MYO6: variants seen among roughly 807,000 people sequenced by gnomAD.
MYO6 encodes the protein myosin VI, also known as unconventional myosin-VI.
A neutral mutation model predicts 178.7 loss-of-function variants in MYO6; 74 were observed. The observed-to-expected ratio is 0.41, with a 90% CI of 0.34 to 0.50. The LOEUF is 0.50. Among genes scored for constraint, MYO6 ranks in the 20% least tolerant of loss-of-function variants. The probability of loss-of-function intolerance (pLI) is 0.09; values close to 1 mark genes in which losing one functional copy is unlikely to be tolerated. For synonymous variants in MYO6, 477 were observed against 504.6 expected (o/e 0.95, Z 0.73); for missense variants, 1,330 against 1,547.4 (o/e 0.86, Z 2.36).
intron 1 of MYO6, among the ~76,000 whole-genome samples, chr6:75,762,681 A>G (rs1778056016): frequency 1.3e-5 from 2 of 152,190 alleles, no homozygotes; most frequent in Admixed American, 6.6e-5. Flanking sequence ...TGCTCTGCAC[A>G]GGGCTCCAGC....
At chr6:75,850,200 G>C (rs1163077812) in intron 11 of MYO6, among the ~76,000 whole-genome samples, 6 of 152,000 alleles carry the variant, frequency 3.9e-5, no homozygotes, top group Admixed American at 3.3e-4. Flanking sequence ...CTCGACCCAG[G>C]AAGGCCAGCG....
chr6:75,789,548 T>C (rs141319104), intron 1 of MYO6, among the ~76,000 whole-genome samples: 1 of 152,232 alleles, frequency 6.6e-6, no homozygotes, highest in African/African-American at 2.4e-5. Flanking sequence ...GTTTTTCACC[T>C]GCCCCTCCCT....
At position 75,861,089 on chromosome 6, in the gene MYO6, T is replaced by C; in HGVS notation, c.1540T>C (p.Cys514Arg). ...NEVHYVDNQD[C>R]IDLIEAKLVG... ...AGTGCATTATGTGGATAATCAGGAC[T>C]GTATAGGTATGTGTTTTTTAACTCC... The change falls in exon 15 of 35, where the codon TGT becomes CGT. Residue 514 changes from cysteine to arginine, a missense_variant. Physicochemically the swap from Cys to Arg is radical, Grantham distance 180 (BLOSUM62 -3). This residue lies in a region of MYO6 where 613 missense variants were observed against 816.8 expected (regional missense o/e 0.75). Coordinates refer to ENST00000369977, the MANE Select transcript of MYO6 (RefSeq NM_004999.4). 5 of 1,606,488 alleles carry C rather than the reference T, an allele frequency of 3.1e-6. No individual in the cohort carries two copies. The highest frequency in any genetic ancestry group is 4.3e-6 in the Non-Finnish European group (5 of 1,173,564).
At chr6:75,815,203 G>A (rs1201887747) in intron 1 of MYO6, among the ~76,000 whole-genome samples, 1 of 152,158 alleles carries the variant, frequency 6.6e-6, no homozygotes, top group Non-Finnish European at 1.5e-5. Flanking sequence ...GATCCCTATT[G>A]GAGGTAAAGC....
chr6:75,830,669 C>G (rs1458172496), intron 5 of MYO6, 124 bp downstream of exon 5: 1 of 916,068 alleles, frequency 1.1e-6, no homozygotes, highest in East Asian at 2.7e-5. Context: ...AAACTGTATA[C>G]CTCTTGGATA....
In MYO6 at chr6:75,915,258, A is replaced by C; in HGVS notation, c.*246A>C. On this transcript the variant is annotated 3_prime_UTR_variant, in exon 35 of 35. Coordinates refer to ENST00000369977, the MANE Select transcript of MYO6 (RefSeq NM_004999.4). ...TCTCATTATTCTCTAACTATTACAC[A>C]TGGGCATATTCTGATGTTTCTCATC... The C allele has an allele frequency of 1.9e-6, 1 of 528,198 alleles. No individual in the cohort carries two copies. 32.7% of individuals were successfully genotyped at this position (528,198 alleles called of 1,614,324 possible).
intron 5 of MYO6, 78 bp downstream of exon 5, chr6:75,830,623 A>G (rs1465107686): frequency 1.5e-6 from 2 of 1,342,258 alleles, no homozygotes; most frequent in Non-Finnish European, 2.1e-6. Flanking sequence ...TTTTGGATTA[A>G]TAAAAGATAC....
At chr6:75,890,910 G>C (rs919033006) in intron 26 of MYO6, among the ~76,000 whole-genome samples, 1 of 152,156 alleles carries the variant, frequency 6.6e-6, no homozygotes, top group African/African-American at 2.4e-5. Context: ...ATAGGGTAGA[G>C]AGAACAGATG....
Position 75,914,918 on chromosome 6 carries a change from G to T in MYO6, c.3764G>T (p.Arg1255Leu), listed in dbSNP as rs751099407. 6.8e-6 allele frequency: 11 copies of T among 1,613,998 alleles called. No homozygotes were observed. In the African/African-American group the frequency reaches 8.0e-5, roughly 12 times the overall value. Residue 1255 changes from arginine (R) to leucine (L), a missense_variant, in exon 35 of 35, where the codon CGC (arginine) becomes CTC (leucine). By Grantham distance (102) the Arg-to-Leu change is moderately radical. This residue lies in a region of MYO6 where 601 missense variants were observed against 626.1 expected (regional missense o/e 0.96). Coordinates refer to ENST00000369977, the MANE Select transcript of MYO6 (RefSeq NM_004999.4). ...AGACAGTTTGAAGAAATCTGGGAAC[G>T]CTGTGGAGGCATCCAGTACCTTCAG... ...LPRQFEEIWE[R>L]CGGIQYLQNA...
intron 23 of MYO6, among the ~76,000 whole-genome samples, 186 bp from the exon 24 acceptor site, chr6:75,885,818 G>A (rs1778388842): frequency 6.6e-6 from 1 of 152,110 alleles, no homozygotes; most frequent in Admixed American, 6.5e-5. Context: ...AGCCTGGGTT[G>A]AGACTGTCAA....
chr6:75,896,355 A>T (rs1322056208), intron 29 of MYO6, among the ~76,000 whole-genome samples: 3 of 152,252 alleles, frequency 2.0e-5, no homozygotes, highest in Admixed American at 6.5e-5. Context: ...AAGACATGAT[A>T]AGCGATCAGA....
intron 9 of MYO6, among the ~76,000 whole-genome samples, chr6:75,844,522 G>A (rs1391977790): frequency 6.6e-6 from 1 of 151,754 alleles, no homozygotes; most frequent in Non-Finnish European, 1.5e-5. Context: ...CCATACTATC[G>A]GTTCTTACTT....
At chr6:75,870,732 CTAT>C (rs1346201059) in intron 19 of MYO6, 47 bp downstream of exon 19, 3 of 1,474,636 alleles carry the variant, frequency 2.0e-6, no homozygotes, top group Non-Finnish European at 2.8e-6. Flanking sequence ...TCATCTAAAA[CTAT>C]TATTAGTAAT....
chr6:75,752,624 G>A (rs1188909229), intron 1 of MYO6, among the ~76,000 whole-genome samples: 1 of 152,196 alleles, frequency 6.6e-6, no homozygotes, highest in Non-Finnish European at 1.5e-5. Flanking sequence ...TTATGTCAAA[G>A]AATGTAATTC....
chr6:75,835,330 A>G (rs1166167140), intron 6 of MYO6, among the ~76,000 whole-genome samples: 2 of 152,244 alleles, frequency 1.3e-5, no homozygotes, highest in African/African-American at 4.8e-5. Flanking sequence ...ATTTAGATTC[A>G]GGCCACACAT....
At chr6:75,770,806 A>G (rs1765808736) in intron 1 of MYO6, among the ~76,000 whole-genome samples, 1 of 151,966 alleles carries the variant, frequency 6.6e-6, no homozygotes, top group Admixed American at 6.5e-5. Context: ...TTTTCCAATG[A>G]CCATTGTTTG....
In MYO6 at chr6:75,903,243, C is replaced by T. The variant is rs896172595; in HGVS notation, c.3177-4362C>T. ...GAGTTCTGTAGATGTCTATTAGGTC[C>T]GCTTGGTGCAGAGCTGAGTTCAATT... On this transcript the variant is annotated intron_variant, in intron 30 of 34. Transcript: ENST00000369977. Among the ~76,000 whole-genome samples, 384 of 151,808 alleles carry T rather than the reference C, an allele frequency of 2.5e-3. 4 individuals are homozygous for T. Among genetic ancestry groups the T allele is most frequent in the African/African-American group, 8.3e-3 (345 of 41,400 alleles).
chr6:75,783,612 C>T (rs1220303762), intron 1 of MYO6, among the ~76,000 whole-genome samples: 1 of 149,500 alleles, frequency 6.7e-6, no homozygotes, highest in Non-Finnish European at 1.5e-5. Context: ...AATGTTGACA[C>T]ATACCATAAT....
intron 1 of MYO6, among the ~76,000 whole-genome samples, chr6:75,778,645 G>GAAAA (rs1308891246): frequency 1.3e-5 from 2 of 151,526 alleles, no homozygotes; most frequent in Admixed American, 1.3e-4. Flanking sequence ...TTCCCGAAGA[G>GAAAA]AAAAAAAGGC....
Sources: gnomAD v4.1 joint callset for allele counts (sites outside exome capture counted in the v4.1 genomes callset) on GRCh38, gnomAD v4.1.1 for gene constraint, gnomAD v4.1.1 regional missense constraint, MANE v1.5 for transcripts, NCBI Gene and HGNC (gene_info 2026-07-23, HGNC 2026-07-21) for gene names.